The following VWA3B variants were observed in gnomAD, a reference collection of about 807,000 sequenced individuals.
The protein encoded by VWA3B is von Willebrand factor A domain-containing protein 3B.
VWA3B carries 138 observed loss-of-function variants against 158.3 expected under a neutral mutation model. That is an observed-to-expected ratio of 0.87 (90% confidence interval 0.76 to 1.00). VWA3B has a LOEUF of 1.00. Ranked by LOEUF, VWA3B falls within the 50% of genes least tolerant of loss-of-function variation. VWA3B has a pLI of 0.00. For missense variants in VWA3B, 1,555 were observed against 1,565.1 expected (o/e 0.99, Z 0.11); for synonymous variants, 596 against 587.3 (o/e 1.01, Z -0.21).
intron 23 of VWA3B, among the ~76,000 whole-genome samples, chr2:98,292,362 C>T (rs1305794933): frequency 6.6e-6 from 1 of 152,070 alleles, no homozygotes; most frequent in African/African-American, 2.4e-5. Context: ...GAAAAAAATA[C>T]TTCAGCAGGA....
At chr2:98,288,375 C>A (rs982095433) in intron 22 of VWA3B, among the ~76,000 whole-genome samples, 1 of 152,188 alleles carries the variant, frequency 6.6e-6, no homozygotes, top group Non-Finnish European at 1.5e-5. Context: ...GTGCTATTCA[C>A]AGCTTAAGTC....
At chr2:98,322,693 C>T in the VWA3B span, among the ~76,000 whole-genome samples, 1 of 152,112 alleles carries the variant, frequency 6.6e-6, no homozygotes, top group East Asian at 1.9e-4. Flanking sequence ...GCTTAAAGTA[C>T]CAGGGGACAG....
At chr2:98,192,450 T>G (rs1681673734) in intron 10 of VWA3B, 1 of 185,410 alleles carries the variant, frequency 5.4e-6, no homozygotes, top group Non-Finnish European at 1.1e-5. Context: ...TAGGGGAGCT[T>G]TTGAGCCAGG....
At position 98,119,738 on chromosome 2, in the gene VWA3B, C is replaced by T. The variant is rs775402009; in HGVS notation, c.517C>T (p.His173Tyr). Residue 173 changes from histidine to tyrosine, a missense_variant, in exon 4 of 28, where the codon CAC becomes TAC. Transcript: ENST00000477737. The stretch of plus-strand genomic sequence containing the variant: ...AATGGTTCTCCAGGAGCAGGTGGCT[C>T]ACATAACCGAGTTCAATATCATACG... ...LTMVLQEQVA[H>Y]ITEFNIIRVS... is the part of the protein sequence containing the mutation. 9.9e-6 allele frequency: 16 copies of T among 1,613,984 alleles called. No individual in the cohort carries two copies. In the South Asian group the frequency reaches 1.6e-4, roughly 17 times the overall value.
chr2:98,194,344 A>G lies in VWA3B; in HGVS notation c.1606-17A>G. ...ATCTGAGTGGTTTTATGGTTAAATAATCATTGTCTCTTTTAGGAACAGCTG... is the reference window on the plus strand; with the variant it reads ...ATCTGAGTGGTTTTATGGTTAAATAGTCATTGTCTCTTTTAGGAACAGCTG... On this transcript the variant is annotated splice_polypyrimidine_tract_variant and intron_variant, in intron 11 of 27. Coordinates refer to ENST00000477737, the MANE Select transcript of VWA3B (RefSeq NM_144992.5). 6.2e-7 allele frequency: 1 copy of G among 1,611,076 alleles called. No homozygotes were observed. Among genetic ancestry groups the G allele is most frequent in the Non-Finnish European group, 8.5e-7 (1 of 1,177,570 alleles).
intron 21 of VWA3B, among the ~76,000 whole-genome samples, chr2:98,265,493 T>G (rs1263047666): frequency 1.3e-5 from 2 of 152,198 alleles, no homozygotes; most frequent in African/African-American, 2.4e-5. Flanking sequence ...GAATAATGCC[T>G]CAATAAACAT....
chr2:98,165,299 A>C (rs998417031), intron 8 of VWA3B, among the ~76,000 whole-genome samples: 3 of 152,238 alleles, frequency 2.0e-5, no homozygotes, highest in Non-Finnish European at 4.4e-5. Flanking sequence ...TAACTTGCCC[A>C]AGGCTACACA....
chr2:98,122,276 T>A (rs1675028097), intron 5 of VWA3B, among the ~76,000 whole-genome samples: 1 of 152,166 alleles, frequency 6.6e-6, no homozygotes, highest in African/African-American at 2.4e-5. Context: ...TGGATACAGT[T>A]ACTTAACAAT....
intron 11 of VWA3B, among the ~76,000 whole-genome samples, chr2:98,193,319 C>T (rs1316162921): frequency 6.6e-6 from 1 of 152,154 alleles, no homozygotes; most frequent in Non-Finnish European, 1.5e-5. Flanking sequence ...CATTGTCTTC[C>T]AGAAACTCCT....
At chr2:98,152,586 GT>G (rs1436957274) in intron 7 of VWA3B, among the ~76,000 whole-genome samples, 1 of 152,134 alleles carries the variant, frequency 6.6e-6, no homozygotes, top group Non-Finnish European at 1.5e-5. Context: ...TTTTATTTTG[GT>G]TCTCTTCCTG....
At position 98,256,149 on chromosome 2, in the gene VWA3B, G is replaced by A; in HGVS notation, c.2818G>A (p.Ala940Thr). ...GCGCTTGAATAAAATTGTTTGGCGAGCATTATCTCAAGAGGAAAAAGAAAA... is the reference window on the plus strand; with the variant it reads ...GCGCTTGAATAAAATTGTTTGGCGAACATTATCTCAAGAGGAAAAAGAAAA... ...EKRLNKIVWRALSQEEKEKLD... is the reference protein window; with the variant it reads ...EKRLNKIVWRTLSQEEKEKLD... Residue 940 changes from alanine (A) to threonine (T), a missense_variant, in exon 21 of 28, where the codon GCA becomes ACA. Transcript: ENST00000477737. 1 of 1,612,932 alleles carries A rather than the reference G, an allele frequency of 6.2e-7. No individual in the cohort carries two copies. Among genetic ancestry groups the A allele is most frequent in the South Asian group, 1.1e-5 (1 of 90,952 alleles).
intron 8 of VWA3B, among the ~76,000 whole-genome samples, chr2:98,174,335 C>G (rs1679833119): frequency 6.6e-6 from 1 of 152,192 alleles, no homozygotes; most frequent in Non-Finnish European, 1.5e-5. Context: ...ACCACAGGCT[C>G]ACAGCCACTG....
chr2:98,193,110 G>T, intron 11 of VWA3B, 74 bp downstream of exon 11: 2 of 1,506,768 alleles, frequency 1.3e-6, no homozygotes, highest in Non-Finnish European at 1.8e-6. Flanking sequence ...ATAGGGGCTT[G>T]TTGCTCTAAA....
chr2:98,121,511 ACT>A, intron 5 of VWA3B, 53 bp downstream of exon 5: 1 of 1,588,346 alleles, frequency 6.3e-7, no homozygotes, highest in Non-Finnish European at 8.6e-7. Context: ...TTCCAGCTTA[ACT>A]CTTCACACTC....
chr2:98,198,673 T>C (rs1442419225), intron 12 of VWA3B, among the ~76,000 whole-genome samples: 1 of 152,136 alleles, frequency 6.6e-6, no homozygotes, highest in Non-Finnish European at 1.5e-5. Context: ...ATATGCCCCT[T>C]TGTCACCAAC....
chr2:98,227,119 A>G (rs145094169), intron 14 of VWA3B, among the ~76,000 whole-genome samples: 3 of 152,340 alleles, frequency 2.0e-5, no homozygotes, highest in African/African-American at 7.2e-5. Context: ...CTGTTTGCAG[A>G]TGACATCATT....
intron 26 of VWA3B, among the ~76,000 whole-genome samples, chr2:98,306,265 T>G (rs981827015): frequency 6.6e-6 from 1 of 152,070 alleles, no homozygotes; most frequent in Non-Finnish European, 1.5e-5. Context: ...TTCCTTTGCA[T>G]TGGACACTGT....
chr2:98,211,520 C>T (rs895586996), intron 12 of VWA3B, among the ~76,000 whole-genome samples: 1 of 152,186 alleles, frequency 6.6e-6, no homozygotes, highest in Non-Finnish European at 1.5e-5. Flanking sequence ...ACCACACTCA[C>T]GTTTACCAAA....
intron 8 of VWA3B, among the ~76,000 whole-genome samples, chr2:98,176,227 G>C (rs889618310): frequency 1.3e-5 from 2 of 151,696 alleles, no homozygotes; most frequent in African/African-American, 4.8e-5. Flanking sequence ...CTCAATTCTG[G>C]TTTCCTTCCT....
Sources: gnomAD v4.1 joint callset for allele counts (sites outside exome capture counted in the v4.1 genomes callset) on GRCh38, gnomAD v4.1.1 for gene constraint, MANE v1.5 for transcripts, NCBI Gene and HGNC (gene_info 2026-07-23, HGNC 2026-07-21) for gene names.